The following CNTNAP4 variants were observed in gnomAD, a reference collection of about 807,000 sequenced individuals.
CNTNAP4 encodes the protein contactin associated protein family member 4.
In CNTNAP4, 98 loss-of-function variants were observed where a neutral mutation model predicts 148.4. The ratio of observed to expected loss-of-function variants is 0.66; its 90% confidence interval spans 0.56 to 0.78. The LOEUF is 0.78. Among genes scored for constraint, CNTNAP4 ranks in the 30% least tolerant of loss-of-function variants. CNTNAP4 has a pLI of 0.00. For synonymous variants in CNTNAP4, 730 were observed against 565.1 expected (o/e 1.29, Z -4.14); for missense variants, 1,935 against 1,565.6 (o/e 1.24, Z -3.98).
chr16:76,556,238 G>C (rs55914565), intron 23 of CNTNAP4, among the ~76,000 whole-genome samples: 5,670 of 152,210 alleles, frequency 0.037, 329 homozygotes, highest in African/African-American at 0.12. Context: ...CCCAGATACA[G>C]ATAGATTTAG....
Position 76,467,411 on chromosome 16 carries a change from T to G in CNTNAP4, c.1543T>G (p.Cys515Gly). 6.2e-7 allele frequency: 1 copy of G among 1,613,940 alleles called. No individual in the cohort carries two copies. Among genetic ancestry groups the G allele is most frequent in the Non-Finnish European group, 8.5e-7 (1 of 1,179,852 alleles). ...AAGTCCACTTGGTGGATTTCAGGGA[T>G]GTATGAGGCTCATTTCTATCAGCGG... Reference protein sequence around the residue: ...CKSPLGGFQGCMRLISISGKV... With the variant: ...CKSPLGGFQGGMRLISISGKV... The change falls in exon 10 of 24, where the codon TGT becomes GGT. Residue 515 changes from cysteine to glycine, a missense_variant. Transcript: ENST00000611870.
chr16:76,545,435 C>T (rs1465801977), intron 21 of CNTNAP4, among the ~76,000 whole-genome samples: 1 of 152,118 alleles, frequency 6.6e-6, no homozygotes, highest in African/African-American at 2.4e-5. Flanking sequence ...CAAATGATAA[C>T]TTGGAAGTTG....
chr16:76,357,346 T>C (rs4595825), intron 3 of CNTNAP4, among the ~76,000 whole-genome samples: 20,031 of 152,206 alleles, frequency 0.13, 2,023 homozygotes, highest in East Asian at 0.48. Flanking sequence ...AGGAAAATTG[T>C]TGTACTTCTG....
At chr16:76,493,202 C>T (rs2143815476) in intron 13 of CNTNAP4, among the ~76,000 whole-genome samples, 1 of 152,214 alleles carries the variant, frequency 6.6e-6, no homozygotes, top group East Asian at 1.9e-4. Context: ...AAGTTGTTTT[C>T]AGACAAGCTA....
intron 3 of CNTNAP4, among the ~76,000 whole-genome samples, chr16:76,367,191 T>A (rs2014242659): frequency 6.6e-6 from 1 of 151,946 alleles, no homozygotes; most frequent in African/African-American, 2.4e-5. Context: ...AATACATATT[T>A]AAGGAAATAT....
chr16:76,327,402 A>T (rs902637729), intron 2 of CNTNAP4, among the ~76,000 whole-genome samples: 1 of 152,160 alleles, frequency 6.6e-6, no homozygotes, highest in Non-Finnish European at 1.5e-5. Flanking sequence ...TTTTATGGCT[A>T]TGTAGTATTC....
chr16:76,453,177 G>A (rs2080583555), intron 8 of CNTNAP4, among the ~76,000 whole-genome samples: 1 of 152,188 alleles, frequency 6.6e-6, no homozygotes, highest in African/African-American at 2.4e-5. Flanking sequence ...TGAGAAAAAG[G>A]GAGAGGTCTT....
In CNTNAP4 at chr16:76,560,293, T is replaced by C. The variant is rs940901277; in HGVS notation, c.*1610T>C. Among the ~76,000 whole-genome samples the C allele has an allele frequency of 6.6e-6, 1 of 152,212 alleles. No individual in the cohort carries two copies. The highest frequency in any genetic ancestry group is 2.4e-5 in the African/African-American group (1 of 41,458). On this transcript the variant is annotated 3_prime_UTR_variant, in exon 24 of 24. Transcript: ENST00000611870. ...CTATATTTTCCTTGTTAACTCTTCT[T>C]ATAAAACCTGCCTCTCTTTTCTCAT...
intron 7 of CNTNAP4, 43 bp from the exon 8 acceptor site, chr16:76,452,465 G>A (rs369744076): frequency 1.4e-5 from 23 of 1,598,984 alleles, no homozygotes; most frequent in Non-Finnish European, 1.9e-5. Flanking sequence ...CTAATGTGAT[G>A]TGAATAACAT....
intron 3 of CNTNAP4, among the ~76,000 whole-genome samples, chr16:76,396,870 G>C (rs2078222055): frequency 6.6e-6 from 1 of 152,106 alleles, no homozygotes; most frequent in Admixed American, 6.6e-5. Flanking sequence ...TGGCCACACA[G>C]AAAAGAACTA....
intron 4 of CNTNAP4, among the ~76,000 whole-genome samples, chr16:76,436,929 G>C (rs2079848796): frequency 6.6e-6 from 1 of 151,388 alleles, no homozygotes; most frequent in South Asian, 2.1e-4. Flanking sequence ...ACCAAAATCT[G>C]TATTAGTCAG....
chr16:76,447,504 T>G (rs2080293195), intron 4 of CNTNAP4, among the ~76,000 whole-genome samples: 1 of 152,116 alleles, frequency 6.6e-6, no homozygotes, highest in African/African-American at 2.4e-5. Flanking sequence ...TTTCCCTTAC[T>G]ATTGACTGGT....
rs77234980 is a variant in CNTNAP4, at chr16:76,391,714, A to G, written c.391-35738A>G. ...CCTCCATGTGATGTTTGATGTTCAC[A>G]TGAAGCTTGAGTAACACAATTCTAT... On this transcript the variant is annotated intron_variant, in intron 3 of 23. Coordinates refer to ENST00000611870, the MANE Select transcript of CNTNAP4 (RefSeq NM_033401.5). Among the ~76,000 whole-genome samples, 814 of 152,320 alleles carry G rather than the reference A, an allele frequency of 5.3e-3. 22 individuals carry two copies. The highest frequency in any genetic ancestry group is 0.042 in the Admixed American group (642 of 15,308).
intron 2 of CNTNAP4, among the ~76,000 whole-genome samples, chr16:76,328,666 A>T (rs1334572996): frequency 6.6e-6 from 1 of 151,316 alleles, no homozygotes; most frequent in African/African-American, 2.4e-5. Context: ...TTTTTTTGAG[A>T]TGGAGGTTTG....
intron 8 of CNTNAP4, among the ~76,000 whole-genome samples, chr16:76,461,002 G>A (rs2080940105): frequency 6.6e-6 from 1 of 151,334 alleles, no homozygotes; most frequent in Non-Finnish European, 1.5e-5. Flanking sequence ...GTTTAAGGAC[G>A]TCTGCTTTAG....
At chr16:76,458,945 T>C (rs766888264) in intron 8 of CNTNAP4, among the ~76,000 whole-genome samples, 2 of 152,138 alleles carry the variant, frequency 1.3e-5, no homozygotes, top group Non-Finnish European at 2.9e-5. Context: ...CCTTTTTTTT[T>C]CTGTAGCCTT....
At chr16:76,406,993 G>A (rs750755328) in intron 3 of CNTNAP4, among the ~76,000 whole-genome samples, 13 of 152,152 alleles carry the variant, frequency 8.5e-5, no homozygotes, top group Non-Finnish European at 1.6e-4. Context: ...CCTTCTATTG[G>A]AAGATGCCAT....
At chr16:76,537,211 A>G (rs1451160707) in intron 18 of CNTNAP4, among the ~76,000 whole-genome samples, 2 of 151,680 alleles carry the variant, frequency 1.3e-5, no homozygotes, top group Non-Finnish European at 2.9e-5. Context: ...GTTACTCTGT[A>G]TGCACATATT....
intron 10 of CNTNAP4, 150 bp from the exon 11 acceptor site, chr16:76,475,789 C>G (rs1173331810): frequency 8.4e-6 from 5 of 592,802 alleles, no homozygotes; most frequent in Non-Finnish European, 1.5e-5. Context: ...AGGTTTAGTT[C>G]TGTGATTAAA....
Sources: gnomAD v4.1 joint callset for allele counts (sites outside exome capture counted in the v4.1 genomes callset) on GRCh38, gnomAD v4.1.1 for gene constraint, MANE v1.5 for transcripts, NCBI Gene and HGNC (gene_info 2026-07-23, HGNC 2026-07-21) for gene names.